GLIS1: variants seen among roughly 807,000 people sequenced by gnomAD.
The protein encoded by GLIS1 is GLIS family zinc finger 1.
Under a neutral mutation model 63.8 loss-of-function variants are expected in GLIS1, and 24 were observed. The ratio of observed to expected loss-of-function variants is 0.38; its 90% CI spans 0.27 to 0.53. GLIS1 has a LOEUF of 0.53. Ranked by LOEUF, GLIS1 falls within the 20% of genes least tolerant of loss-of-function variation. The pLI, the probability that GLIS1 is intolerant of heterozygous loss-of-function variation, is 0.85. For synonymous variants in GLIS1, 450 were observed against 482.5 expected (o/e 0.93, Z 0.88); for missense variants, 1,036 against 1,074.1 (o/e 0.96, Z 0.50).
At chr1:53,685,966 G>T (rs1646332301) in intron 2 of GLIS1, among the ~76,000 whole-genome samples, 1 of 152,050 alleles carries the variant, frequency 6.6e-6, no homozygotes, top group Admixed American at 6.6e-5. Flanking sequence ...TCATGCATGG[G>T]TTCCGTCAGA....
intron 2 of GLIS1, among the ~76,000 whole-genome samples, chr1:53,713,544 G>A (rs12038737): frequency 0.015 from 1,803 of 119,308 alleles, 32 homozygotes; most frequent in African/African-American, 0.047. Context: ...GTAAGACCTC[G>A]TCTCTTCAAG....
chr1:53,677,662 GC>G, intron 2 of GLIS1, among the ~76,000 whole-genome samples: 1 of 152,366 alleles, frequency 6.6e-6, no homozygotes, highest in Admixed American at 6.5e-5. Context: ...CAGGGCCTGG[GC>G]CCCAGTCCGA....
intron 2 of GLIS1, among the ~76,000 whole-genome samples, chr1:53,610,904 G>C (rs1645418502): frequency 6.6e-6 from 1 of 151,696 alleles, no homozygotes. Flanking sequence ...TTGTCTACTG[G>C]CCTATTTTCC....
At chr1:53,516,458 G>T (rs116101134) in intron 7 of GLIS1, among the ~76,000 whole-genome samples, 305 of 152,076 alleles carry the variant, frequency 2.0e-3, no homozygotes, top group Non-Finnish European at 3.2e-3. Context: ...GAAACTGCAC[G>T]GATTAACAAG....
At chr1:53,545,858 T>C (rs60928869) in intron 4 of GLIS1, among the ~76,000 whole-genome samples, 7,380 of 152,300 alleles carry the variant, frequency 0.048, 584 homozygotes, top group African/African-American at 0.17. Flanking sequence ...GGCGGGACCC[T>C]GGATGCCCCC....
Position 53,594,663 on chromosome 1 carries a change from G to A in GLIS1, c.765C>T (p.Pro255=), listed in dbSNP as rs1038817028. The change falls in exon 4 of 11, where the codon CCC becomes CCT. Residue 255 remains proline (P), a synonymous_variant. Coordinates refer to ENST00000628545, the MANE Select transcript of GLIS1 (RefSeq NM_001367484.1). ...LPPTSPASSS[P]CASSDVTSII... is the part of the protein sequence containing the mutation. ...TGGAGGTGACGTCGGAGGAGGCACA[G>A]GGTGAGGAGGAGGCTGGGGAGGTGG... 1 of 1,555,716 alleles carries A rather than the reference G, an allele frequency of 6.4e-7. No homozygotes were observed. The highest frequency in any genetic ancestry group is 8.7e-7 in the Non-Finnish European group (1 of 1,148,240).
chr1:53,556,626 GTGTT>G (rs1486013919), intron 4 of GLIS1, among the ~76,000 whole-genome samples: 35 of 146,932 alleles, frequency 2.4e-4, no homozygotes, highest in African/African-American at 4.6e-4. Flanking sequence ...CTGCAGGTAT[GTGTT>G]TGTGTATGCA....
At chr1:53,554,575 C>T (rs925759681) in intron 4 of GLIS1, among the ~76,000 whole-genome samples, 3 of 152,150 alleles carry the variant, frequency 2.0e-5, no homozygotes, top group Admixed American at 6.5e-5. Context: ...AGGACTAGTC[C>T]GGAGGCTCAT....
At position 53,639,957 on chromosome 1, in the gene GLIS1, G is replaced by A. The variant is rs571133303; in HGVS notation, c.260-39679C>T. 5.9e-5 allele frequency among the ~76,000 whole-genome samples: 9 copies of A among 152,320 alleles called. No individual in the cohort carries two copies. The South Asian group carries it at 1.9e-3, about 32-fold the overall frequency. On this transcript the variant is annotated intron_variant, in intron 2 of 10. Coordinates refer to ENST00000628545, the MANE Select transcript of GLIS1 (RefSeq NM_001367484.1). This position sits in a 1 kb window ranked among gnomAD's most constrained non-coding sequence, Gnocchi z 4.6. ...CTCAGTTTATACTTCCACAGAAACAGGGATACTACACTTAACAAACACGAG... is the reference window on the plus strand; with the variant it reads ...CTCAGTTTATACTTCCACAGAAACAAGGATACTACACTTAACAAACACGAG...
At chr1:53,622,038 A>T (rs1645548600) in intron 2 of GLIS1, among the ~76,000 whole-genome samples, 1 of 152,106 alleles carries the variant, frequency 6.6e-6, no homozygotes, top group Non-Finnish European at 1.5e-5. Context: ...TGCCCATCTC[A>T]GCCTCCCAAA....
At chr1:53,525,473 G>C (rs1644457572) in intron 5 of GLIS1, among the ~76,000 whole-genome samples, 1 of 140,636 alleles carries the variant, frequency 7.1e-6, no homozygotes, top group Non-Finnish European at 1.6e-5. Context: ...AGGCTGGGGA[G>C]GCTGGGGAGT....
At chr1:53,663,751 A>G (rs536331901) in intron 2 of GLIS1, among the ~76,000 whole-genome samples, 17 of 152,222 alleles carry the variant, frequency 1.1e-4, no homozygotes, top group African/African-American at 4.1e-4. Context: ...AGCTCCATGG[A>G]GGTCTCTCTC....
chr1:53,724,047 T>A (rs1646782197), intron 2 of GLIS1, among the ~76,000 whole-genome samples: 1 of 152,226 alleles, frequency 6.6e-6, no homozygotes, highest in Non-Finnish European at 1.5e-5. Context: ...CTTTTATCAG[T>A]GCTGCCTTAA....
chr1:53,636,519 C>T (rs1049607093), intron 2 of GLIS1, among the ~76,000 whole-genome samples: 7 of 152,136 alleles, frequency 4.6e-5, no homozygotes, highest in African/African-American at 1.7e-4. Flanking sequence ...TAGTAAAATG[C>T]TGAATAGATA....
At chr1:53,684,225 C>G (rs759299864) in intron 2 of GLIS1, among the ~76,000 whole-genome samples, 2 of 152,122 alleles carry the variant, frequency 1.3e-5, no homozygotes, top group Non-Finnish European at 2.9e-5. Flanking sequence ...CTCCTCCTAC[C>G]CTCTCTGGAG....
At chr1:53,531,837 C>T (rs956945409) in intron 4 of GLIS1, among the ~76,000 whole-genome samples, 6 of 152,152 alleles carry the variant, frequency 3.9e-5, no homozygotes, top group South Asian at 2.1e-4. Flanking sequence ...GCAGGCAATT[C>T]CCCCAACACT....
chr1:53,506,396 G>A lies in GLIS1; in HGVS notation c.*223C>T. 1.8e-6 allele frequency: 1 copy of A among 547,312 alleles called. No homozygotes were observed. The highest frequency in any genetic ancestry group is 3.2e-6 in the Non-Finnish European group (1 of 307,710). 33.9% of individuals were successfully genotyped at this position (547,312 alleles called of 1,614,324 possible). ...AGACAAGATCGAGGGAATGTTACAG[G>A]GCCACAGATCCTGGCGGGCACCTCT... On this transcript the variant is annotated 3_prime_UTR_variant, in exon 11 of 11. Coordinates refer to ENST00000628545, the MANE Select transcript of GLIS1 (RefSeq NM_001367484.1).
At chr1:53,588,154 T>C (rs973236233) in intron 4 of GLIS1, among the ~76,000 whole-genome samples, 1 of 152,192 alleles carries the variant, frequency 6.6e-6, no homozygotes, top group Admixed American at 6.5e-5. Flanking sequence ...TTGATCAACC[T>C]GGCCAAGCTT....
chr1:53,529,307 A>C (rs982253417), intron 5 of GLIS1, among the ~76,000 whole-genome samples: 3 of 152,202 alleles, frequency 2.0e-5, no homozygotes, highest in Non-Finnish European at 4.4e-5. Flanking sequence ...GCAGGGCTCA[A>C]CGGACAAAAG....
Sources: allele counts gnomAD v4.1 joint callset (sites outside exome capture counted in the v4.1 genomes callset), GRCh38; gene constraint gnomAD v4.1.1; non-coding constraint Gnocchi (gnomAD v3.1); transcripts MANE v1.5; gene names NCBI Gene and HGNC (gene_info 2026-07-23, HGNC 2026-07-21).